Variants in RNLS observed in about 807,000 individuals in gnomAD.
The protein encoded by RNLS is renalase.
Under a neutral mutation model 39.8 loss-of-function variants are expected in RNLS, and 39 were observed. The observed-to-expected ratio is 0.98, with a 90% confidence interval of 0.76 to 1.28. RNLS has a LOEUF of 1.28. Ranked by LOEUF, RNLS falls within the 50% of genes most tolerant of loss-of-function variation. The pLI is 0.00. For synonymous variants in RNLS, 147 were observed against 150.7 expected (o/e 0.98, Z 0.18); for missense variants, 410 against 413.3 (o/e 0.99, Z 0.07).
intron 4 of RNLS, among the ~76,000 whole-genome samples, chr10:88,554,070 T>C (rs1848729599): frequency 6.6e-6 from 1 of 152,052 alleles, no homozygotes; most frequent in Non-Finnish European, 1.5e-5. Flanking sequence ...CAAAATTAGT[T>C]GTCAGTTTTA....
rs115824857 is a variant in RNLS, at chr10:88,338,998, T to A, written c.700+23554A>T. Among the ~76,000 whole-genome samples, 902 of 152,246 alleles carry A rather than the reference T, an allele frequency of 5.9e-3. 9 individuals carry two copies. Among genetic ancestry groups the A allele is most frequent in the African/African-American group, 0.021 (867 of 41,540 alleles). On this transcript the variant is annotated intron_variant, in intron 5 of 6. Coordinates refer to ENST00000331772, the MANE Select transcript of RNLS (RefSeq NM_001031709.3). ...GGATGGTCTGGATCTCCTGACCTCA[T>A]GATCCTGCCCGCCTCGGCCTCCCAA...
In RNLS at chr10:88,548,647, C is replaced by CATAT. The variant is rs146359996; in HGVS notation, c.526+24252_526+24255dup. Among the ~76,000 whole-genome samples, 1,217 of 144,662 alleles carry CATAT rather than the reference C, an allele frequency of 8.4e-3. 12 individuals are homozygous for CATAT. Among genetic ancestry groups the CATAT allele is most frequent in the African/African-American group, 0.023 (918 of 39,510 alleles). 94.9% of individuals were successfully genotyped at this position (144,662 alleles called of 152,430 possible). On this transcript the variant is annotated intron_variant, in intron 4 of 6. Transcript: ENST00000331772. ...AAGCGAGACTCTGTCTCAAAATATACATATATATATATATAATATTTAATA... is the reference window on the plus strand; with the variant it reads ...AAGCGAGACTCTGTCTCAAAATATACATATATATATATATATATAATATTTAATA...
At position 88,480,970 on chromosome 10, in the gene RNLS, T is replaced by G. The variant is rs1006342920; in HGVS notation, c.526+91933A>C. Among the ~76,000 whole-genome samples the G allele has an allele frequency of 3.3e-5, 5 of 152,164 alleles. 1 individual carries two copies. Among genetic ancestry groups the G allele is most frequent in the African/African-American group, 7.2e-5 (3 of 41,442 alleles). On this transcript the variant is annotated intron_variant, in intron 4 of 6. Transcript: ENST00000331772. Reference sequence around the variant, plus strand: ...GATTTGTTCTATTTCTCTTTTCGATTTTGTCAGTTTTTGCTTCATGTATTT... The same window carrying G: ...GATTTGTTCTATTTCTCTTTTCGATGTTGTCAGTTTTTGCTTCATGTATTT...
At chr10:88,278,221 A>AT (rs943738488) in intron 6 of RNLS, among the ~76,000 whole-genome samples, 50 of 150,054 alleles carry the variant, frequency 3.3e-4, no homozygotes, top group Admixed American at 1.0e-3. Context: ...ATGCTTGCCA[A>AT]TTTTTTTTTT....
At chr10:88,195,109 C>G in the RNLS span, among the ~76,000 whole-genome samples, 1 of 152,178 alleles carries the variant, frequency 6.6e-6, no homozygotes, top group African/African-American at 2.4e-5. Flanking sequence ...TTCATCATCC[C>G]CTTTTCAAAA....
intron 4 of RNLS, among the ~76,000 whole-genome samples, chr10:88,559,514 T>C (rs557639471): frequency 3.3e-4 from 51 of 152,272 alleles, no homozygotes; most frequent in African/African-American, 1.1e-3. Context: ...CCATAAAGCC[T>C]AGCTCCTACC....
At chr10:88,507,296 A>C (rs1161080710) in intron 4 of RNLS, among the ~76,000 whole-genome samples, 1 of 151,998 alleles carries the variant, frequency 6.6e-6, no homozygotes, top group Non-Finnish European at 1.5e-5. Context: ...GAATATAATA[A>C]TTTTCTTTGA....
At chr10:88,387,045 C>T (rs1223922631) in intron 4 of RNLS, among the ~76,000 whole-genome samples, 1 of 152,122 alleles carries the variant, frequency 6.6e-6, no homozygotes, top group Admixed American at 6.5e-5. Context: ...TTTATGTAGC[C>T]AAGGGACATT....
chr10:88,546,904 CAAA>C (rs35186408), intron 4 of RNLS, among the ~76,000 whole-genome samples: 7 of 133,438 alleles, frequency 5.2e-5, no homozygotes, highest in South Asian at 2.3e-4. Context: ...ACCATGAAAC[CAAA>C]AAAAAAAAAA....
chr10:88,554,713 T>G (rs1176712910), intron 4 of RNLS, among the ~76,000 whole-genome samples: 1 of 152,116 alleles, frequency 6.6e-6, no homozygotes, highest in Non-Finnish European at 1.5e-5. Context: ...GGGAGAACTG[T>G]CTGGTTCCCA....
intron 4 of RNLS, among the ~76,000 whole-genome samples, chr10:88,367,369 T>C (rs1850205058): frequency 6.6e-6 from 1 of 152,154 alleles, no homozygotes; most frequent in South Asian, 2.1e-4. Flanking sequence ...ATATTATGTT[T>C]GTTATATAAA....
intron 4 of RNLS, among the ~76,000 whole-genome samples, chr10:88,524,956 C>CACACATAT (rs768939981): frequency 8.7e-4 from 66 of 76,174 alleles, no homozygotes; most frequent in Non-Finnish European, 1.3e-3. Context: ...ATGGCACACA[C>CACACATAT]ATACATATAT....
At chr10:88,541,517 C>G (rs558744119) in intron 4 of RNLS, among the ~76,000 whole-genome samples, 87 of 152,226 alleles carry the variant, frequency 5.7e-4, no homozygotes, top group African/African-American at 2.0e-3. Context: ...CCCCTTTGGC[C>G]TTTGACAAGT....
intron 6 of RNLS, among the ~76,000 whole-genome samples, chr10:88,295,942 G>A (rs1401794559): frequency 6.6e-6 from 1 of 152,036 alleles, no homozygotes; most frequent in African/African-American, 2.4e-5. Flanking sequence ...AATGAAATAC[G>A]GTTTTCTCTA....
chr10:88,476,956 A>G (rs1814697772), intron 4 of RNLS, among the ~76,000 whole-genome samples: 1 of 151,730 alleles, frequency 6.6e-6, no homozygotes. Context: ...ATAAGCTTGT[A>G]AATGCTTTAT....
the RNLS span, among the ~76,000 whole-genome samples, chr10:88,223,155 C>A: frequency 6.6e-6 from 1 of 152,238 alleles, no homozygotes; most frequent in African/African-American, 2.4e-5. Flanking sequence ...GTCTCACAAT[C>A]TCCCCCATCC....
chr10:88,459,705 G>A (rs558432906), intron 4 of RNLS, among the ~76,000 whole-genome samples: 8 of 152,234 alleles, frequency 5.3e-5, no homozygotes, highest in Admixed American at 1.3e-4. Flanking sequence ...GTTCACTGGC[G>A]ACGGACAATG....
At chr10:88,350,694 G>C (rs1008479346) in intron 5 of RNLS, among the ~76,000 whole-genome samples, 1 of 152,180 alleles carries the variant, frequency 6.6e-6, no homozygotes, top group Non-Finnish European at 1.5e-5. Context: ...ATAAATGTAT[G>C]TGTGCATGTG....
the RNLS span, among the ~76,000 whole-genome samples, chr10:88,213,116 C>T: frequency 1.3e-5 from 2 of 152,302 alleles, no homozygotes; most frequent in East Asian, 3.9e-4. Context: ...AGAGAAGCTT[C>T]TGAGATCCAA....
Sources: allele counts gnomAD v4.1 joint callset (sites outside exome capture counted in the v4.1 genomes callset), GRCh38; gene constraint gnomAD v4.1.1; transcripts MANE v1.5; gene names NCBI Gene and HGNC (gene_info 2026-07-23, HGNC 2026-07-21).